TRPT1: variants seen among roughly 807,000 people sequenced by gnomAD.
TRPT1 encodes tRNA 2'-phosphotransferase 1.
A neutral mutation model predicts 28.4 loss-of-function variants in TRPT1; 22 were observed. The observed-to-expected ratio is 0.78, with a 90% CI of 0.55 to 1.11. TRPT1 has a LOEUF of 1.11. Among genes scored for constraint, TRPT1 ranks in the 50% least tolerant of loss-of-function variants. The pLI is 0.00. For synonymous variants in TRPT1, 137 were observed against 132.4 expected (o/e 1.03, Z -0.24); for missense variants, 308 against 317.7 (o/e 0.97, Z 0.23).
rs375375573 is a variant in TRPT1, at chr11:64,225,571, C to G, written c.85G>C (p.Val29Leu). Residue 29 changes from valine (V) to leucine (L), a missense_variant, in exon 3 of 8, where the codon GTG (valine) becomes CTG (leucine). Val to Leu is a conservative substitution (Grantham distance 32, BLOSUM62 1). Coordinates refer to ENST00000317459, the MANE Select transcript of TRPT1 (RefSeq NM_001033678.4). Reference sequence around the variant, plus strand: ...TAGGACAGAGCCTTGGACAGCTGCACGTCTCGGTCCTGAAAGAACCCAGCG... The same window carrying G: ...TAGGACAGAGCCTTGGACAGCTGCAGGTCTCGGTCCTGAAAGAACCCAGCG... Reference protein sequence around the residue: ...APRPREQDRDVQLSKALSYAL... With the variant: ...APRPREQDRDLQLSKALSYAL... The G allele has an allele frequency of 2.5e-6, 4 of 1,610,860 alleles. No homozygotes were observed. In the African/African-American group the frequency reaches 5.3e-5, roughly 22 times the overall value.
At position 64,225,801 on chromosome 11, in the gene TRPT1, G is replaced by C. The variant is rs925001460; in HGVS notation, c.60C>G (p.Pro20=). 3.6e-5 allele frequency: 56 copies of C among 1,552,994 alleles called. No homozygotes were observed. The highest frequency in any genetic ancestry group is 5.4e-5 in the African/African-American group (4 of 73,500). ...AGGCGCGCACCTGTTCTCGGGGTCT[G>C]GGAGCCCTTCTACCCCTGGACCCTG... The part of the protein sequence containing the change: ...EAAGSRGRRA[P]RPREQDRDVQ... The change falls in exon 2 of 8, where the codon CCC becomes CCG. Residue 20 remains proline (P), a synonymous_variant. Transcript: ENST00000317459.
intron 2 of TRPT1, 89 bp from the exon 3 acceptor site, chr11:64,225,669 G>A: frequency 1.4e-6 from 2 of 1,433,230 alleles, no homozygotes; most frequent in Non-Finnish European, 1.9e-6. Context: ...TGCAGAGAGA[G>A]CCCAGAGAGA....
In TRPT1 at chr11:64,225,530, C is replaced by T. The variant is rs759166994; in HGVS notation, c.126G>A (p.Gly42=). 1.1e-5 allele frequency: 18 copies of T among 1,613,074 alleles called. No homozygotes were observed. The highest frequency in any genetic ancestry group is 1.6e-4 in the Middle Eastern group (1 of 6,082). ...SKALSYALRH[G]ALKLGLPMGA... ...CCATGGGAAGCCCCAGCTTCAAGGC[C>T]CCATGGCGCAGGGCATAGGACAGAG... The change falls in exon 3 of 8, where the codon GGG becomes GGA. Residue 42 remains glycine (G), a synonymous_variant. Transcript: ENST00000317459.
At position 64,224,939 on chromosome 11, in the gene TRPT1, C is replaced by CT; in HGVS notation, c.188dup (p.Leu64ValfsTer10). 1 of 1,572,746 alleles carries CT rather than the reference C, an allele frequency of 6.4e-7. No homozygotes were observed. The highest frequency in any genetic ancestry group is 8.6e-7 in the Non-Finnish European group (1 of 1,159,156). ...CAGAGAAGCCGCGGAACTGGGGCAA[C>CT]TGCAGGAGGGTGCCCAGGGGCACGA... On this transcript the variant is annotated frameshift_variant, in exon 4 of 8. Coordinates refer to ENST00000317459, the MANE Select transcript of TRPT1 (RefSeq NM_001033678.4). LOFTEE classifies it high-confidence loss of function.
At chr11:64,224,752 A>G (rs1413946089) in intron 4 of TRPT1, 35 bp from the exon 5 acceptor site, 1 of 1,605,570 alleles carries the variant, frequency 6.2e-7, no homozygotes, top group Non-Finnish European at 8.5e-7. Flanking sequence ...CCCCCTTCGC[A>G]GGCAGGGGTC....
At position 64,225,862 on chromosome 11, in the gene TRPT1, G is replaced by T. The variant is rs1297175073; in HGVS notation, c.-2C>A. 1.1e-5 allele frequency: 17 copies of T among 1,552,498 alleles called. No homozygotes were observed. The highest frequency in any genetic ancestry group is 1.7e-4 in the Middle Eastern group (1 of 5,992). On this transcript the variant is annotated 5_prime_UTR_variant, in exon 2 of 8. Coordinates refer to ENST00000317459, the MANE Select transcript of TRPT1 (RefSeq NM_001033678.4). ...CCTCCCTCCTCCAGAGAAGTTCATG[G>T]TTAAGACCTGTGGGGGGCAGTGACG...
chr11:64,225,977 C>G, intron 1 of TRPT1, 73 bp downstream of exon 1: 2 of 678,606 alleles, frequency 2.9e-6, no homozygotes, highest in South Asian at 3.4e-5. Context: ...TGGGAGTATA[C>G]GGCTCATTAA....
chr11:64,224,240 G>A (rs770647901), intron 6 of TRPT1, 30 bp from the exon 7 acceptor site: 2 of 1,613,706 alleles, frequency 1.2e-6, no homozygotes, highest in South Asian at 1.1e-5. Context: ...TGTGACTCAT[G>A]CCCTCCCCGA....
rs1565300730 is a variant in TRPT1 at position 64,223,869 on chromosome 11, T to TA, written c.*6dup. On this transcript the variant is annotated 3_prime_UTR_variant, in exon 8 of 8. Coordinates refer to ENST00000317459, the MANE Select transcript of TRPT1 (RefSeq NM_001033678.4). ...TTTTTAAAATTTCTTTTTTATAAAT[T>TA]AATATTTTATTGTTGGATCCTCCTC... 6.4e-7 allele frequency: 1 copy of TA among 1,560,174 alleles called. No homozygotes were observed. The highest frequency in any genetic ancestry group is 8.7e-7 in the Non-Finnish European group (1 of 1,150,458).
intron 5 of TRPT1, 75 bp from the exon 6 acceptor site, chr11:64,224,416 C>T: frequency 6.2e-7 from 1 of 1,605,830 alleles, no homozygotes; most frequent in East Asian, 2.2e-5. Flanking sequence ...GGGTCCTGGG[C>T]TGGGGGATGC....
intron 4 of TRPT1, 27 bp from the exon 5 acceptor site, chr11:64,224,744 C>A (rs759868208): frequency 1.9e-6 from 3 of 1,603,520 alleles, no homozygotes; most frequent in East Asian, 2.2e-5. Flanking sequence ...CAGTGAGACC[C>A]CCTTCGCAGG....
chr11:64,226,150 C>A lies in TRPT1; in HGVS notation c.-110G>T, dbSNP rs561878550. On this transcript the variant is annotated 5_prime_UTR_variant, in exon 1 of 8. Transcript: ENST00000317459. ...TGGTCCGGGAGGCAGGGCCGACGTG[C>A]CGACGGACCGGGCGGAAGCGTCGGG... 4.6e-6 allele frequency: 2 copies of A among 439,064 alleles called. No homozygotes were observed. Among genetic ancestry groups the A allele is most frequent in the Non-Finnish European group, 8.0e-6 (2 of 248,946 alleles). The allele number at this position is 439,064 out of a possible 1,614,324, so 27.2% of individuals were successfully genotyped here. A position where few individuals can be genotyped will look rare whatever the true frequency, so the allele number is the denominator to read the frequency against.
chr11:64,223,857 T>C lies in TRPT1; in HGVS notation c.*19A>G, dbSNP rs550320362. The stretch of plus-strand genomic sequence containing the variant: ...CTTTCTTGTTACTTTTTAAAATTTC[T>C]TTTTTATAAATTAATATTTTATTGT... On this transcript the variant is annotated 3_prime_UTR_variant, in exon 8 of 8. Transcript: ENST00000317459. 6.6e-7 allele frequency: 1 copy of C among 1,510,868 alleles called. No individual in the cohort carries two copies. The highest frequency in any genetic ancestry group is 1.3e-5 in the South Asian group (1 of 79,746). 93.6% of individuals were successfully genotyped at this position (1,510,868 alleles called of 1,614,324 possible). A position where few individuals can be genotyped will look rare whatever the true frequency, so the allele number is the denominator to read the frequency against.
chr11:64,225,904 A>C (rs1190992887), intron 1 of TRPT1, 35 bp from the exon 2 acceptor site: 2 of 1,284,212 alleles, frequency 1.6e-6, no homozygotes, highest in South Asian at 1.3e-5. Context: ...GACTGCTTTA[A>C]GGCCCCTTCC....
Position 64,225,646 on chromosome 11 carries a change from C to T in TRPT1, c.76-66G>A, listed in dbSNP as rs1946958000. 6 of 1,497,780 alleles carry T rather than the reference C, an allele frequency of 4.0e-6. No individual in the cohort carries two copies. The African/African-American group carries it at 8.3e-5, about 21-fold the overall frequency. The allele number at this position is 1,497,780 out of a possible 1,614,324, so 92.8% of individuals were successfully genotyped here. On this transcript the variant is annotated intron_variant, in intron 2 of 7. Transcript: ENST00000317459. ...CCTGCCCTACTGCCCATCCTGAACC[C>T]TCAATGACCCACTGCAGAGAGAGCC...
Position 64,224,970 on chromosome 11 carries a change from T to A in TRPT1, c.158A>T (p.Asp53Val). ...GAGGGTGCCCAGGGGCACGAAGCCA[T>A]CTGTGGGCAGGCAGGGTGCTCAGGA... ...ALKLGLPMGA[D>V]GFVPLGTLLQ... Residue 53 changes from aspartate to valine, a missense_variant and splice_region_variant, in exon 4 of 8, where the codon GAT becomes GTT. Transcript: ENST00000317459. The A allele has an allele frequency of 6.4e-7, 1 of 1,555,254 alleles. No homozygotes were observed. The highest frequency in any genetic ancestry group is 1.2e-5 in the South Asian group (1 of 84,906).
In TRPT1 at chr11:64,224,798, G is replaced by A. The variant is rs771447939; in HGVS notation, c.327+3C>T. ...CGTCTCGCACTTGTCCCCTCACCCCGACCTGCAGGGAATGGCCCTGGTTGG... is the reference window on the plus strand; with the variant it reads ...CGTCTCGCACTTGTCCCCTCACCCCAACCTGCAGGGAATGGCCCTGGTTGG... On this transcript the variant is annotated splice_donor_region_variant and intron_variant, in intron 4 of 7. Transcript: ENST00000317459. 2.5e-6 allele frequency: 4 copies of A among 1,613,500 alleles called. No individual in the cohort carries two copies. Among genetic ancestry groups the A allele is most frequent in the South Asian group, 1.1e-5 (1 of 91,076 alleles).
At chr11:64,225,447 G>A (rs367862151) in intron 3 of TRPT1, 52 bp downstream of exon 3, 132 of 1,512,634 alleles carry the variant, frequency 8.7e-5, no homozygotes, top group Middle Eastern at 1.7e-4. Flanking sequence ...GTCGCAGACA[G>A]GCTCACGTTT....
chr11:64,225,906 G>A (rs919526336), intron 1 of TRPT1, 37 bp from the exon 2 acceptor site: 6 of 1,250,464 alleles, frequency 4.8e-6, no homozygotes, highest in Non-Finnish European at 5.7e-6. Context: ...CTGCTTTAAG[G>A]CCCCTTCCAC....
Sources: gnomAD v4.1 joint callset for allele counts on GRCh38, gnomAD v4.1.1 for gene constraint, MANE v1.5 for transcripts, NCBI Gene and HGNC (gene_info 2026-07-23, HGNC 2026-07-21) for gene names.